Variants in SNU13 observed in about 807,000 individuals in gnomAD.
SNU13 encodes NHP2-like protein 1.
In SNU13, 2 loss-of-function variants were observed where a neutral mutation model predicts 12.4. That is an observed-to-expected ratio of 0.16 (90% CI 0.07 to 0.51). The LOEUF (loss-of-function observed/expected upper bound fraction) is 0.51, where lower values mean the gene tolerates loss of function less well. Among genes scored for constraint, SNU13 ranks in the 20% least tolerant of loss-of-function variants. The probability of loss-of-function intolerance (pLI) is 0.96; values close to 1 mark genes in which losing one functional copy is unlikely to be tolerated. For synonymous variants in SNU13, 68 were observed against 66.5 expected (o/e 1.02, Z -0.11); for missense variants, 66 against 157.8 (o/e 0.42, Z 3.12).
intron 1 of SNU13, among the ~76,000 whole-genome samples, 153 bp downstream of exon 1, chr22:41,688,624 GGCTGCTGGGACCCCGCC>G (rs1401964041): frequency 6.6e-6 from 1 of 152,230 alleles, no homozygotes; most frequent in Non-Finnish European, 1.5e-5. Context: ...CCTCGGGCCA[GGCTGCTGGGACCCCGCC>G]GCTGCTGGGG....
intron 1 of SNU13, among the ~76,000 whole-genome samples, chr22:41,686,092 A>G (rs1215148040): frequency 2.0e-5 from 3 of 151,820 alleles, no homozygotes; most frequent in Non-Finnish European, 4.4e-5. Flanking sequence ...TGCAGGCTTG[A>G]GCCACAGTGC....
intron 2 of SNU13, among the ~76,000 whole-genome samples, chr22:41,678,445 A>T (rs948573858): frequency 4.6e-5 from 7 of 152,214 alleles, no homozygotes; most frequent in African/African-American, 7.2e-5. Flanking sequence ...AATACCTGAC[A>T]CTGAGGCAGA....
intron 1 of SNU13, among the ~76,000 whole-genome samples, chr22:41,685,112 G>A (rs2068299864): frequency 7.0e-6 from 1 of 142,484 alleles, no homozygotes; most frequent in South Asian, 2.2e-4. Flanking sequence ...TTGAGATGAT[G>A]CCACTTCACT....
chr22:41,679,257 TA>T (rs927698795), intron 2 of SNU13, among the ~76,000 whole-genome samples: 3 of 140,432 alleles, frequency 2.1e-5, no homozygotes, highest in Admixed American at 7.1e-5. Context: ...TGAAAAAAAA[TA>T]AAAATAAAAA....
intron 1 of SNU13, among the ~76,000 whole-genome samples, chr22:41,684,626 G>T (rs2068295314): frequency 1.3e-5 from 2 of 151,768 alleles, no homozygotes; most frequent in Admixed American, 1.3e-4. Flanking sequence ...TTTCCTTTTG[G>T]GTTAGGCAAA....
chr22:41,683,912 GT>G (rs928614013), intron 1 of SNU13, among the ~76,000 whole-genome samples: 1 of 151,268 alleles, frequency 6.6e-6, no homozygotes, highest in Non-Finnish European at 1.5e-5. Context: ...TTTTTTTGTT[GT>G]TTTTTTTGAG....
intron 2 of SNU13, among the ~76,000 whole-genome samples, chr22:41,675,431 T>C (rs1386619838): frequency 1.3e-5 from 2 of 151,910 alleles, no homozygotes; most frequent in East Asian, 3.9e-4. Flanking sequence ...TCTTCTTCTT[T>C]TTTTTTTTTG....
At chr22:41,681,580 G>A (rs1380573012) in intron 1 of SNU13, 1 of 152,126 alleles carries the variant, frequency 6.6e-6, no homozygotes, top group African/African-American at 2.4e-5. Context: ...AAGAGGGAAT[G>A]GTACAGTTAA....
intron 2 of SNU13, among the ~76,000 whole-genome samples, chr22:41,677,293 G>A (rs566359018): frequency 1.3e-5 from 2 of 152,294 alleles, no homozygotes; most frequent in Admixed American, 1.3e-4. Context: ...GGGAGGCTGA[G>A]GCAGGTAGAT....
chr22:41,681,606 A>C (rs1032388044), intron 1 of SNU13: 8 of 152,274 alleles, frequency 5.3e-5, no homozygotes, highest in African/African-American at 1.9e-4. Context: ...ACCAACTTGC[A>C]ACCCTTATTA....
intron 2 of SNU13, among the ~76,000 whole-genome samples, chr22:41,678,203 C>T (rs2068231390): frequency 6.6e-6 from 1 of 152,048 alleles, no homozygotes; most frequent in South Asian, 2.1e-4. Context: ...TCTCGATCTC[C>T]TGACCTCATG....
Position 41,676,749 on chromosome 22 carries a change from G to A in SNU13, c.125-1554C>T, listed in dbSNP as rs572309652. Among the ~76,000 whole-genome samples, 4 of 152,180 alleles carry A rather than the reference G, an allele frequency of 2.6e-5. No homozygotes were observed. The East Asian group carries it at 5.8e-4, about 22-fold the overall frequency. ...TTCCAAGGTTTTAAGAGTCTACCAC[G>A]CCAAACCCTTTGCCACTTTCACTGC... On this transcript the variant is annotated intron_variant, in intron 2 of 2. Transcript: ENST00000401959.
intron 1 of SNU13, 34 bp from the exon 2 acceptor site, chr22:41,680,398 G>C (rs941589584): frequency 5.0e-6 from 8 of 1,587,834 alleles, no homozygotes; most frequent in South Asian, 1.1e-5. Flanking sequence ...CAGACAAATT[G>C]AGCCAGAAGT....
chr22:41,687,287 G>A (rs2068318928), intron 1 of SNU13, among the ~76,000 whole-genome samples: 1 of 152,068 alleles, frequency 6.6e-6, no homozygotes, highest in Admixed American at 6.6e-5. Context: ...GATATACTTA[G>A]AAATATTACA....
At chr22:41,675,961 A>G (rs1469404966) in intron 2 of SNU13, among the ~76,000 whole-genome samples, 2 of 146,356 alleles carry the variant, frequency 1.4e-5, no homozygotes, top group African/African-American at 2.5e-5. Flanking sequence ...CAAACTCCTA[A>G]CCTTGTGATC....
intron 1 of SNU13, chr22:41,682,428 T>A (rs2068272482): frequency 1.2e-6 from 2 of 1,612,216 alleles, no homozygotes; most frequent in Non-Finnish European, 1.7e-6. Context: ...GACGGTCTGC[T>A]GCCCAGCACC....
Position 41,688,843 on chromosome 22 carries a change from G to GT in SNU13, c.-48dup, listed in dbSNP as rs1569112698. 6.4e-7 allele frequency: 1 copy of GT among 1,562,128 alleles called. No homozygotes were observed. The highest frequency in any genetic ancestry group is 1.8e-5 in the Admixed American group (1 of 56,726). ...GCACTCCTAGGGGAGCGCAGCTGAC[G>GT]TTTCAGAAGCACTCGCGTGCACCGG... On this transcript the variant is annotated 5_prime_UTR_variant, in exon 1 of 3. Coordinates refer to ENST00000401959, the MANE Select transcript of SNU13 (RefSeq NM_001003796.2).
upstream of SNU13, chr22:41,688,882 A>T (rs1423400701): frequency 6.7e-7 from 1 of 1,503,104 alleles, no homozygotes; most frequent in African/African-American, 1.4e-5. Context: ...AACTCACAGA[A>T]GCAGCAGCGG....
chr22:41,680,701 G>A (rs1196065063), intron 1 of SNU13, among the ~76,000 whole-genome samples: 1 of 152,122 alleles, frequency 6.6e-6, no homozygotes, highest in Non-Finnish European at 1.5e-5. Flanking sequence ...ATCCATTTCT[G>A]TTTTTATTTT....
Sources: gnomAD v4.1 joint callset for allele counts (sites outside exome capture counted in the v4.1 genomes callset) on GRCh38, gnomAD v4.1.1 for gene constraint, MANE v1.5 for transcripts, NCBI Gene and HGNC (gene_info 2026-07-23, HGNC 2026-07-21) for gene names.